NRXN2: variants seen among roughly 807,000 people sequenced by gnomAD.
NRXN2 encodes neurexin-2-beta.
A neutral mutation model predicts 128.8 loss-of-function variants in NRXN2; 29 were observed. The observed-to-expected ratio is 0.23, with a 90% CI of 0.17 to 0.31. NRXN2 has a LOEUF of 0.31. Among genes scored for constraint, NRXN2 ranks in the 10% least tolerant of loss-of-function variants. The pLI is 1.00. For missense variants in NRXN2, 1,881 were observed against 2,452.6 expected, an observed-to-expected ratio of 0.77 and a Z score of 4.92; for synonymous variants, 1,098 against 1,075.2, an observed-to-expected ratio of 1.02 and a Z score of -0.41.
At chr11:64,608,156 G>T in intron 22 of NRXN2, 74 bp from the exon 23 acceptor site, 1 of 1,138,774 alleles carries the variant, frequency 8.8e-7, no homozygotes, top group Non-Finnish European at 1.3e-6. Flanking sequence ...CACAGAGAGA[G>T]AAACAACAGC....
Position 64,648,931 on chromosome 11 carries a change from A to G in NRXN2, c.3110-24T>C. The G allele has an allele frequency of 6.2e-7, 1 of 1,613,604 alleles. No individual in the cohort carries two copies. Among genetic ancestry groups the G allele is most frequent in the Non-Finnish European group, 8.5e-7 (1 of 1,179,612 alleles). On this transcript the variant is annotated intron_variant, in intron 15 of 22. Coordinates refer to ENST00000265459, the MANE Select transcript of NRXN2 (RefSeq NM_015080.4). This position sits in a 1 kb window ranked among gnomAD's most constrained non-coding sequence, Gnocchi z 4.1. The stretch of plus-strand genomic sequence containing the variant: ...CCCTGCAAAGGGAGTGGGTCAACCA[A>G]GGCATCCAGGTCCCCATTCCCATCC...
intron 7 of NRXN2, among the ~76,000 whole-genome samples, chr11:64,671,174 T>C (rs555295209): frequency 1.3e-5 from 2 of 152,110 alleles, no homozygotes; most frequent in East Asian, 1.9e-4. Context: ...CACCCTCTTA[T>C]GACCCAGGGG....
intron 2 of NRXN2, 189 bp downstream of exon 2, chr11:64,712,781 C>G (rs1238983493): frequency 1.4e-6 from 1 of 696,644 alleles, no homozygotes. Context: ...ACTCGCCCCG[C>G]CCACCGCCAA....
At chr11:64,715,683 A>G (rs1294915217) in intron 1 of NRXN2, among the ~76,000 whole-genome samples, 1 of 152,040 alleles carries the variant, frequency 6.6e-6, no homozygotes, top group Non-Finnish European at 1.5e-5. Context: ...CTGCCCTCCC[A>G]ATCCTACAAG....
intron 7 of NRXN2, among the ~76,000 whole-genome samples, chr11:64,670,596 GTC>G (rs2050506539): frequency 6.6e-6 from 1 of 152,144 alleles, no homozygotes; most frequent in Admixed American, 6.5e-5. Flanking sequence ...CTGTGCCTAA[GTC>G]TGGTCACCCC....
Position 64,649,535 on chromosome 11 carries a change from A to G in NRXN2, c.3110-628T>C, listed in dbSNP as rs572288860. Among the ~76,000 whole-genome samples, 10 of 152,260 alleles carry G rather than the reference A, an allele frequency of 6.6e-5. No individual in the cohort carries two copies. In the South Asian group the frequency reaches 1.5e-3, roughly 22 times the overall value. ...CCTGGCCACGGGCTCAGTACAACACAAGACCCGCCAAGATAACCCCCGGGG... is the reference window on the plus strand; with the variant it reads ...CCTGGCCACGGGCTCAGTACAACACGAGACCCGCCAAGATAACCCCCGGGG... On this transcript the variant is annotated intron_variant, in intron 15 of 22. Coordinates refer to ENST00000265459, the MANE Select transcript of NRXN2 (RefSeq NM_015080.4).
At chr11:64,707,329 G>A (rs186712180) in intron 2 of NRXN2, among the ~76,000 whole-genome samples, 2 of 151,740 alleles carry the variant, frequency 1.3e-5, no homozygotes, top group East Asian at 3.9e-4. Flanking sequence ...AGAGCTTGCA[G>A]TGAGGCAAGA....
intron 2 of NRXN2, among the ~76,000 whole-genome samples, chr11:64,706,776 G>A (rs901447533): frequency 1.3e-4 from 20 of 152,042 alleles, no homozygotes; most frequent in African/African-American, 3.6e-4. Context: ...ATCAATGTTC[G>A]AGGCCAATTG....
At chr11:64,716,134 CTCTG>C (rs1253993913) in intron 1 of NRXN2, among the ~76,000 whole-genome samples, 2 of 152,228 alleles carry the variant, frequency 1.3e-5, no homozygotes, top group Non-Finnish European at 2.9e-5. Context: ...CTGGCCTAGC[CTCTG>C]TCTGCTGCTC....
intron 4 of NRXN2, among the ~76,000 whole-genome samples, chr11:64,692,518 A>G (rs2053935632): frequency 6.6e-6 from 1 of 152,216 alleles, no homozygotes; most frequent in Admixed American, 6.5e-5. Flanking sequence ...CACTACCAGG[A>G]AAACGCAAAA....
intron 2 of NRXN2, among the ~76,000 whole-genome samples, chr11:64,706,535 T>C (rs1490081785): frequency 3.3e-5 from 5 of 152,202 alleles, no homozygotes; most frequent in Non-Finnish European, 5.9e-5. Flanking sequence ...AAAATTCTTT[T>C]GTGGCTCCAT....
chr11:64,709,686 T>C (rs556123539), intron 2 of NRXN2, among the ~76,000 whole-genome samples: 1 of 152,248 alleles, frequency 6.6e-6, no homozygotes, highest in Non-Finnish European at 1.5e-5. Context: ...TATCTCTCCA[T>C]TCATTCCACA....
intron 11 of NRXN2, among the ~76,000 whole-genome samples, chr11:64,654,524 G>T (rs1364302355): frequency 6.6e-6 from 1 of 152,188 alleles, no homozygotes; most frequent in East Asian, 1.9e-4. Flanking sequence ...TCCTGCCCCT[G>T]CCCCAGTCCG....
rs1565407112 is a variant in NRXN2, at chr11:64,685,817, C to T, written c.981G>A (p.Met327Ile). ...AFRTLQRNGLMLHTGKSADYV... is the reference protein window; with the variant it reads ...AFRTLQRNGLILHTGKSADYV... ...AGTCGGCCGACTTGCCTGTATGCAG[C>T]ATCAGGCCGTTGCGTTGCAGGGTGC... Residue 327 changes from methionine to isoleucine, a missense_variant, in exon 6 of 23, where the codon ATG becomes ATA. Met to Ile is a conservative substitution (Grantham distance 10, BLOSUM62 1). Around this residue, in one of 7 missense-constraint regions of NRXN2, gnomAD observed 997 missense variants for 1,240.8 expected, o/e 0.80. Transcript: ENST00000265459. The T allele has an allele frequency of 6.2e-7, 1 of 1,614,230 alleles. No individual in the cohort carries two copies. The highest frequency in any genetic ancestry group is 1.3e-5 in the African/African-American group (1 of 75,044).
intron 2 of NRXN2, among the ~76,000 whole-genome samples, chr11:64,709,967 G>C (rs2056736507): frequency 6.7e-6 from 1 of 150,164 alleles, no homozygotes; most frequent in African/African-American, 2.5e-5. Flanking sequence ...GAGTGCAGTG[G>C]TGCCATCTCA....
chr11:64,708,645 G>A (rs1173154138), intron 2 of NRXN2, among the ~76,000 whole-genome samples: 2 of 152,258 alleles, frequency 1.3e-5, no homozygotes, highest in Non-Finnish European at 2.9e-5. Context: ...GACCCTGGGA[G>A]AGCAGGAGGG....
Position 64,630,479 on chromosome 11 carries a change from A to G in NRXN2, c.3680T>C (p.Val1227Ala). Residue 1227 changes from valine to alanine, a missense_variant, in exon 19 of 23, where the codon GTG becomes GCG. Coordinates refer to ENST00000265459, the MANE Select transcript of NRXN2 (RefSeq NM_015080.4). This position sits in a 1 kb window ranked among gnomAD's most constrained non-coding sequence, Gnocchi z 4.6. ...NAIVSDGKYH[V>A]VRFTRSGGNA... ...GCCGCCGCTTCGAGTGAAGCGCACC[A>G]CGTGGTATTTGCCGTCGCTTACTAT... 1 of 1,613,906 alleles carries G rather than the reference A, an allele frequency of 6.2e-7. No individual in the cohort carries two copies. The highest frequency in any genetic ancestry group is 1.1e-5 in the South Asian group (1 of 91,078).
chr11:64,607,214 G>T lies in NRXN2; in HGVS notation c.5121C>A (p.Asp1707Glu). The change falls in exon 23 of 23, where the codon GAC becomes GAA. Residue 1707 changes from aspartate to glutamate, a missense_variant. Coordinates refer to ENST00000265459, the MANE Select transcript of NRXN2 (RefSeq NM_015080.4). ...CGGGGGCTCAGACATAATACTCCTT[G>T]TCTTTGTTCTTCTTGGCCTTGCTGG... ...KTPSKAKKNK[D>E]KEYYV The T allele has an allele frequency of 6.2e-7, 1 of 1,613,694 alleles. No homozygotes were observed. The highest frequency in any genetic ancestry group is 8.5e-7 in the Non-Finnish European group (1 of 1,179,884).
At chr11:64,643,169 A>C in intron 17 of NRXN2, 1 of 908,384 alleles carries the variant, frequency 1.1e-6, no homozygotes, top group Non-Finnish European at 1.3e-6. Context: ...GGGGCCAAGC[A>C]GGGAGGGGAG....
Sources: gnomAD v4.1 joint callset for allele counts (sites outside exome capture counted in the v4.1 genomes callset) on GRCh38, gnomAD v4.1.1 for gene constraint, gnomAD v4.1.1 regional missense constraint, Gnocchi (gnomAD v3.1) non-coding constraint, MANE v1.5 for transcripts, NCBI Gene and HGNC (gene_info 2026-07-23, HGNC 2026-07-21) for gene names.